TMEM25: variants seen among roughly 807,000 people sequenced by gnomAD.
The protein encoded by TMEM25 is transmembrane protein 25.
A neutral mutation model predicts 37.0 loss-of-function variants in TMEM25; 36 were observed. The ratio of observed to expected loss-of-function variants is 0.97; its 90% CI spans 0.75 to 1.28. The LOEUF (loss-of-function observed/expected upper bound fraction) is 1.28, where lower values mean the gene tolerates loss of function less well. Ranked by LOEUF, TMEM25 falls within the 50% of genes most tolerant of loss-of-function variation. The pLI is 0.00. For missense variants in TMEM25, 444 were observed against 477.9 expected, an observed-to-expected ratio of 0.93 and a Z score of 0.66; for synonymous variants, 197 against 203.7, an observed-to-expected ratio of 0.97 and a Z score of 0.28.
chr11:118,546,458 T>C (rs1951688655), exon 9 of TMEM25: 3 of 352,544 alleles, frequency 8.5e-6, no homozygotes, highest in Non-Finnish European at 1.6e-5. Flanking sequence ...GCTACTGCAC[T>C]CCAGCCTGGG....
chr11:118,544,612 A>G (rs1287901486), intron 8 of TMEM25: 3 of 316,174 alleles, frequency 9.5e-6, no homozygotes, highest in Admixed American at 4.6e-5. Flanking sequence ...TCTCACAAAA[A>G]GGACATCTTT....
chr11:118,535,451 CTT>C lies in TMEM25; in HGVS notation c.*872_*873del. 6.7e-7 allele frequency: 1 copy of C among 1,489,642 alleles called. No individual in the cohort carries two copies. The highest frequency in any genetic ancestry group is 8.9e-7 in the Non-Finnish European group (1 of 1,118,458). 92.3% of individuals were successfully genotyped at this position (1,489,642 alleles called of 1,614,324 possible). On this transcript the variant is annotated 3_prime_UTR_variant, in exon 9 of 9. Coordinates refer to ENST00000313236, the MANE Select transcript of TMEM25 (RefSeq NM_032780.4). ...TCTTTGTGGCTTCCCCACGTTTGGC[CTT>C]CTGGGATTCACTGTGAGTGTCCTGA...
intron 8 of TMEM25, among the ~76,000 whole-genome samples, chr11:118,543,124 T>C (rs554644253): frequency 6.6e-6 from 1 of 152,196 alleles, no homozygotes; most frequent in Non-Finnish European, 1.5e-5. Flanking sequence ...ATGCCTGTAA[T>C]CCCAGCTACT....
Position 118,534,329 on chromosome 11 carries a change from A to G in TMEM25, c.1001A>G (p.Glu334Gly). The G allele has an allele frequency of 6.2e-7, 1 of 1,614,058 alleles. No homozygotes were observed. Among genetic ancestry groups the G allele is most frequent in the Non-Finnish European group, 8.5e-7 (1 of 1,180,000 alleles). ...NNSRPELLDP[E>G]PGGLLTSQGF... is the part of the protein sequence containing the mutation. ...AGCCGGCCAGAGCTTCTGGACCCGGAGCCCGGCGGCCTCCTCACCAGCCAA... is the reference window on the plus strand; with the variant it reads ...AGCCGGCCAGAGCTTCTGGACCCGGGGCCCGGCGGCCTCCTCACCAGCCAA... The change falls in exon 8 of 9, where the codon GAG (glutamate) becomes GGG (glycine). Residue 334 changes from glutamate to glycine, a missense_variant. Physicochemically the swap from Glu to Gly is moderately conservative, Grantham distance 98. Coordinates refer to ENST00000313236, the MANE Select transcript of TMEM25 (RefSeq NM_032780.4). The surrounding 1 kb of genome is among the most constrained non-coding windows in gnomAD (Gnocchi z 4.6).
intron 8 of TMEM25, chr11:118,544,772 T>A (rs1467282880): frequency 1.6e-6 from 1 of 639,274 alleles, no homozygotes; most frequent in Non-Finnish European, 2.8e-6. Context: ...CTGTGCCCTC[T>A]GGCAGAGAGG....
intron 6 of TMEM25, 50 bp from the exon 7 acceptor site, chr11:118,533,979 A>C: frequency 6.2e-7 from 1 of 1,613,208 alleles, no homozygotes; most frequent in Non-Finnish European, 8.5e-7. Flanking sequence ...GGCAGCCATG[A>C]GTGCCTGTGC....
chr11:118,536,308 C>T (rs948399582), downstream of TMEM25, among the ~76,000 whole-genome samples: 1 of 152,076 alleles, frequency 6.6e-6, no homozygotes, highest in East Asian at 1.9e-4. Flanking sequence ...ATTCTCCTGC[C>T]TCAGCCTTCC....
chr11:118,545,840 G>A (rs113002310), intron 8 of TMEM25: 111 of 1,614,136 alleles, frequency 6.9e-5, no homozygotes, highest in African/African-American at 6.5e-4. Context: ...AATCTCTGCC[G>A]TGGGCAGGCT....
intron 1 of TMEM25, 56 bp downstream of exon 1, chr11:118,531,290 C>A (rs1951240102): frequency 2.9e-6 from 1 of 346,850 alleles, no homozygotes; most frequent in African/African-American, 2.2e-5. Flanking sequence ...CCCCACCCTC[C>A]GACCCTCTCC....
At chr11:118,541,953 C>T (rs1951584633) in intron 8 of TMEM25, among the ~76,000 whole-genome samples, 1 of 152,156 alleles carries the variant, frequency 6.6e-6, no homozygotes, top group Admixed American at 6.6e-5. Context: ...GACGTGGTTT[C>T]ACTTCGTTCC....
Position 118,535,384 on chromosome 11 carries a change from C to A in TMEM25, c.*804C>A. On this transcript the variant is annotated 3_prime_UTR_variant, in exon 9 of 9. Transcript: ENST00000313236. ...TTTCCTACGGCGTTAGCACTTTAAG[C>A]ACATCCCCTAGGGGAGGGGGTGAGT... 7.1e-7 allele frequency: 1 copy of A among 1,417,564 alleles called. No individual in the cohort carries two copies. The highest frequency in any genetic ancestry group is 1.6e-5 in the South Asian group (1 of 62,150). The allele number at this position is 1,417,564 out of a possible 1,614,324, so 87.8% of individuals were successfully genotyped here.
Position 118,533,521 on chromosome 11 carries a change from C to T in TMEM25, c.775C>T (p.Leu259=). ...LVGFSTLVAC[L]VCRKEKKTKG... ...GGGGTTCAGCACCTTGGTGGCCTGCCTGGTCTGCAGAAAAGAGAAGAAAAC... is the reference window on the plus strand; with the variant it reads ...GGGGTTCAGCACCTTGGTGGCCTGCTTGGTCTGCAGAAAAGAGAAGAAAAC... The change falls in exon 5 of 9, where the codon CTG becomes TTG. Residue 259 remains leucine, a synonymous_variant. Coordinates refer to ENST00000313236, the MANE Select transcript of TMEM25 (RefSeq NM_032780.4). The T allele has an allele frequency of 6.2e-7, 1 of 1,614,148 alleles. No individual in the cohort carries two copies.
chr11:118,535,615 G>A lies in TMEM25; in HGVS notation c.*1035G>A, dbSNP rs782277600. 9.0e-7 allele frequency: 1 copy of A among 1,116,584 alleles called. No individual in the cohort carries two copies. Among genetic ancestry groups the A allele is most frequent in the South Asian group, 2.6e-5 (1 of 38,838 alleles). The allele number at this position is 1,116,584 out of a possible 1,614,324, so 69.2% of individuals were successfully genotyped here. A position where few individuals can be genotyped will look rare whatever the true frequency, so the allele number is the denominator to read the frequency against. ...GTCGCCACAGGCACATAATTCAACA[G>A]TGTGGAAGCTTTAGGGGAACATGGA... On this transcript the variant is annotated 3_prime_UTR_variant, in exon 9 of 9. Transcript: ENST00000313236.
At chr11:118,532,530 G>A in intron 3 of TMEM25, 69 bp downstream of exon 3, 4 of 1,518,332 alleles carry the variant, frequency 2.6e-6, no homozygotes, top group Non-Finnish European at 3.5e-6. Context: ...CACCAGGCAG[G>A]TGGTCCGCAG....
chr11:118,546,479 T>A, exon 9 of TMEM25: 1 of 246,266 alleles, frequency 4.1e-6, no homozygotes, highest in African/African-American at 2.3e-5. Context: ...CATAGAGTAA[T>A]ACCCTGTAAA....
intron 3 of TMEM25, 182 bp from the exon 4 acceptor site, chr11:118,532,735 T>C (rs1453961791): frequency 2.0e-5 from 18 of 905,410 alleles, no homozygotes; most frequent in African/African-American, 5.0e-5. Context: ...GGCATTTGGC[T>C]CTAGTATTTA....
intron 2 of TMEM25, 115 bp downstream of exon 2, chr11:118,531,986 T>C: frequency 7.2e-7 from 1 of 1,395,476 alleles, no homozygotes; most frequent in South Asian, 1.3e-5. Context: ...GGAGTCCCTG[T>C]CCCCTTCACC....
chr11:118,544,703 T>TCTCTGAGGTC, intron 8 of TMEM25: 1 of 556,822 alleles, frequency 1.8e-6, no homozygotes, highest in South Asian at 2.2e-5. Flanking sequence ...GTGGTGTAGA[T>TCTCTGAGGTC]GCATTAACTC....
At chr11:118,532,862 G>A in intron 3 of TMEM25, 55 bp from the exon 4 acceptor site, 1 of 1,563,464 alleles carries the variant, frequency 6.4e-7, no homozygotes, top group South Asian at 1.2e-5. Flanking sequence ...GGGAAGAAAG[G>A]GCTAGAAGTA....
Sources: gnomAD v4.1 joint callset for allele counts (sites outside exome capture counted in the v4.1 genomes callset) on GRCh38, gnomAD v4.1.1 for gene constraint, Gnocchi (gnomAD v3.1) non-coding constraint, MANE v1.5 for transcripts, NCBI Gene and HGNC (gene_info 2026-07-23, HGNC 2026-07-21) for gene names.